RBM20: variants seen among roughly 807,000 people sequenced by gnomAD.
RBM20 encodes RNA-binding protein 20.
Under a neutral mutation model 110.1 loss-of-function variants are expected in RBM20, and 51 were observed. That is an observed-to-expected ratio of 0.46 (90% CI 0.37 to 0.59). The LOEUF is 0.59. RBM20 is among the 20% of genes least tolerant of loss of function. The probability of loss-of-function intolerance (pLI) is 0.00; values close to 1 mark genes in which losing one functional copy is unlikely to be tolerated. For missense variants in RBM20, 1,512 were observed against 1,574.9 expected (o/e 0.96, Z 0.68); for synonymous variants, 589 against 618.2 (o/e 0.95, Z 0.70).
chr10:110,688,571 A>C (rs1163632953), intron 1 of RBM20, among the ~76,000 whole-genome samples: 1 of 152,190 alleles, frequency 6.6e-6, no homozygotes, highest in African/African-American at 2.4e-5. Context: ...ATATAGTTCT[A>C]GTTAACTGCT....
upstream of RBM20, among the ~76,000 whole-genome samples, chr10:110,643,384 T>G (rs1832692): frequency 0.99 from 150,374 of 152,330 alleles, 74,257 homozygotes; most frequent in East Asian, 1. Flanking sequence ...CGAACCTTGC[T>G]TGGTGGCTCT....
intron 1 of RBM20, among the ~76,000 whole-genome samples, chr10:110,709,161 C>G (rs1301829007): frequency 6.6e-6 from 1 of 152,156 alleles, no homozygotes; most frequent in Non-Finnish European, 1.5e-5. Context: ...GGGTCAGGTT[C>G]AATGTGAGAC....
At chr10:110,775,016 T>C (rs562232389) in intron 1 of RBM20, among the ~76,000 whole-genome samples, 30 of 152,220 alleles carry the variant, frequency 2.0e-4, no homozygotes, top group Non-Finnish European at 4.4e-4. Flanking sequence ...AAAACTATAA[T>C]GTAGTTCTTG....
At position 110,695,102 on chromosome 10, in the gene RBM20, C is replaced by T. The variant is rs145951634; in HGVS notation, c.191+50457C>T. ...ACAGGATTGATTTTTGTTACGATAT[C>T]GTCAGGCAGTGAGTGAGATGACATC... On this transcript the variant is annotated intron_variant, in intron 1 of 13. Transcript: ENST00000369519. Among the ~76,000 whole-genome samples, 594 of 152,250 alleles carry T rather than the reference C, an allele frequency of 3.9e-3. 1 individual carries two copies. Among genetic ancestry groups the T allele is most frequent in the Non-Finnish European group, 6.2e-3 (421 of 68,016 alleles).
At chr10:110,702,209 A>G (rs1277031460) in intron 1 of RBM20, among the ~76,000 whole-genome samples, 1 of 152,226 alleles carries the variant, frequency 6.6e-6, no homozygotes, top group Non-Finnish European at 1.5e-5. Flanking sequence ...AAGATTTTAC[A>G]TTAGAATTCA....
chr10:110,759,285 C>T (rs1400651211), intron 1 of RBM20, among the ~76,000 whole-genome samples: 2 of 152,158 alleles, frequency 1.3e-5, no homozygotes, highest in Non-Finnish European at 2.9e-5. Context: ...ACAACTCCTC[C>T]ATCATCCTAG....
At chr10:110,752,938 TATATA>T (rs1182726518) in intron 1 of RBM20, among the ~76,000 whole-genome samples, 33 of 91,126 alleles carry the variant, frequency 3.6e-4, no homozygotes, top group Non-Finnish European at 5.2e-4. Context: ...TATATATATA[TATATA>T]TATTTTTTTT....
chr10:110,831,020 G>C lies in RBM20; in HGVS notation c.3452-41G>C, dbSNP rs74407586. The C allele has an allele frequency of 7.1e-3, 10,847 of 1,518,900 alleles. 582 individuals are homozygous for C. In the African/African-American group the frequency reaches 0.12, roughly 17 times the overall value. The allele number at this position is 1,518,900 out of a possible 1,614,324, so 94.1% of individuals were successfully genotyped here. ...CAGGACACAGGGGCCTGCCTCCCATGCCATCCTAACCCTGCGTGTCTATCC... is the reference window on the plus strand; with the variant it reads ...CAGGACACAGGGGCCTGCCTCCCATCCCATCCTAACCCTGCGTGTCTATCC... On this transcript the variant is annotated intron_variant, in intron 12 of 13. Transcript: ENST00000369519.
chr10:110,671,547 T>C (rs1862258206), intron 1 of RBM20, among the ~76,000 whole-genome samples: 1 of 152,194 alleles, frequency 6.6e-6, no homozygotes, highest in Admixed American at 6.5e-5. Context: ...CCTCAGTTAC[T>C]GCCTCTTTAA....
At chr10:110,824,672 A>T (rs570893639) in intron 12 of RBM20, among the ~76,000 whole-genome samples, 1 of 152,298 alleles carries the variant, frequency 6.6e-6, no homozygotes, top group East Asian at 1.9e-4. Context: ...TAGGGAGTGA[A>T]GGCACTTTAA....
chr10:110,725,382 C>A (rs759728318), intron 1 of RBM20, among the ~76,000 whole-genome samples: 29 of 152,190 alleles, frequency 1.9e-4, no homozygotes, highest in Non-Finnish European at 2.9e-4. Flanking sequence ...ACGCCTGTTT[C>A]GGTGCTTGTT....
At chr10:110,712,071 G>A (rs1313857499) in intron 1 of RBM20, among the ~76,000 whole-genome samples, 7 of 152,172 alleles carry the variant, frequency 4.6e-5, no homozygotes, top group Admixed American at 1.3e-4. Context: ...TATGGAAGTA[G>A]CATTTTATTT....
intron 1 of RBM20, among the ~76,000 whole-genome samples, chr10:110,648,900 G>A (rs1861906619): frequency 6.6e-6 from 1 of 152,144 alleles, no homozygotes; most frequent in South Asian, 2.1e-4. Flanking sequence ...ATTATGAAAT[G>A]TAGTACATTA....
At chr10:110,770,886 C>T (rs74886264) in intron 1 of RBM20, among the ~76,000 whole-genome samples, 1,583 of 152,288 alleles carry the variant, frequency 0.01, 10 homozygotes, top group African/African-American at 0.026. Flanking sequence ...CATTTTCTTC[C>T]GATTTGGTTA....
At chr10:110,698,068 C>T (rs528905411) in intron 1 of RBM20, among the ~76,000 whole-genome samples, 8 of 152,094 alleles carry the variant, frequency 5.3e-5, no homozygotes, top group African/African-American at 1.4e-4. Flanking sequence ...CCAACACGCC[C>T]GGCTAATTTT....
intron 1 of RBM20, among the ~76,000 whole-genome samples, chr10:110,707,853 A>G (rs1590628858): frequency 6.6e-6 from 1 of 152,352 alleles, no homozygotes; most frequent in East Asian, 1.9e-4. Flanking sequence ...GGATGACGAT[A>G]GTCAACAATA....
chr10:110,776,867 G>T (rs146610369), intron 1 of RBM20, among the ~76,000 whole-genome samples: 17 of 152,214 alleles, frequency 1.1e-4, no homozygotes, highest in Non-Finnish European at 2.2e-4. Context: ...TGAAGCTCCT[G>T]CATTGGAGTG....
At position 110,781,606 on chromosome 10, in the gene RBM20, C is replaced by A. The variant is rs2135044060; in HGVS notation, c.997C>A (p.Leu333Ile). ...HGFSGQSKPD[L>I]TAGPMWPPPH... ...ATTCTCGGGCCAAAGCAAGCCTGAT[C>A]TCACAGCAGGTCCCATGTGGCCTCC... The change falls in exon 2 of 14, where the codon CTC (leucine) becomes ATC (isoleucine). Residue 333 changes from leucine to isoleucine, a missense_variant. This residue lies in a region of RBM20 where 1,149 missense variants were observed against 1,169.4 expected (regional missense o/e 0.98). Transcript: ENST00000369519. The A allele has an allele frequency of 1.3e-6, 2 of 1,551,320 alleles. No individual in the cohort carries two copies. Among genetic ancestry groups the A allele is most frequent in the Middle Eastern group, 3.3e-4 (2 of 5,990 alleles).
intron 1 of RBM20, among the ~76,000 whole-genome samples, chr10:110,646,653 C>T (rs184247867): frequency 6.6e-6 from 1 of 152,324 alleles, no homozygotes; most frequent in African/African-American, 2.4e-5. Flanking sequence ...ACTGAAATTC[C>T]GCTGGAACCA....
Sources: allele counts gnomAD v4.1 joint callset (sites outside exome capture counted in the v4.1 genomes callset), GRCh38; gene constraint gnomAD v4.1.1; regional missense constraint gnomAD v4.1.1; transcripts MANE v1.5; gene names NCBI Gene and HGNC (gene_info 2026-07-23, HGNC 2026-07-21).